Variants in KPNA6 observed in about 807,000 individuals in gnomAD.
The protein encoded by KPNA6 is importin subunit alpha-7.
KPNA6 carries 9 observed loss-of-function variants against 72.0 expected under a neutral mutation model. The observed-to-expected ratio is 0.13, with a 90% CI of 0.08 to 0.22. KPNA6 has a LOEUF of 0.22. Among genes scored for constraint, KPNA6 ranks in the 10% least tolerant of loss-of-function variants. The pLI, the probability that KPNA6 is intolerant of heterozygous loss-of-function variation, is 1.00. For synonymous variants in KPNA6, 219 were observed against 242.1 expected (o/e 0.90, Z 0.89); for missense variants, 374 against 655.7 (o/e 0.57, Z 4.69).
intron 1 of KPNA6, among the ~76,000 whole-genome samples, chr1:32,130,667 T>C (rs562835384): frequency 1.3e-5 from 2 of 151,656 alleles, no homozygotes; most frequent in South Asian, 4.2e-4. Context: ...ATGCCTGTAG[T>C]CCCAGCTGCT....
chr1:32,142,945 A>G (rs1641865623), intron 1 of KPNA6: 2 of 1,289,374 alleles, frequency 1.6e-6, no homozygotes, highest in Middle Eastern at 2.1e-4. Context: ...CTCTCCTCCC[A>G]GCTTCACTGT....
At chr1:32,113,315 C>T (rs952323430) in intron 1 of KPNA6, among the ~76,000 whole-genome samples, 7 of 151,992 alleles carry the variant, frequency 4.6e-5, no homozygotes, top group African/African-American at 1.7e-4. Context: ...ATCACTTGAA[C>T]CTGGGAGGTT....
chr1:32,157,147 A>C (rs1486777184), intron 3 of KPNA6, among the ~76,000 whole-genome samples, 199 bp from the exon 4 acceptor site: 1 of 152,232 alleles, frequency 6.6e-6, no homozygotes, highest in African/African-American at 2.4e-5. Flanking sequence ...AGAAGCCATC[A>C]GTTGCCTCAG....
intron 1 of KPNA6, chr1:32,142,961 G>A: frequency 7.8e-7 from 1 of 1,289,692 alleles, no homozygotes; most frequent in South Asian, 1.2e-5. Context: ...ACTGTCAGCT[G>A]TGCTTGAAGG....
At chr1:32,125,567 A>G (rs889518678) in intron 1 of KPNA6, among the ~76,000 whole-genome samples, 1 of 152,200 alleles carries the variant, frequency 6.6e-6, no homozygotes, top group African/African-American at 2.4e-5. Context: ...CCATGAAGTC[A>G]CTGTCAGTCC....
intron 1 of KPNA6, among the ~76,000 whole-genome samples, chr1:32,117,149 T>C (rs1001054481): frequency 6.6e-6 from 1 of 151,362 alleles, no homozygotes; most frequent in Non-Finnish European, 1.5e-5. Context: ...AACATAGGAT[T>C]GCCACAAACC....
chr1:32,158,463 A>T (rs973229781), intron 5 of KPNA6, 102 bp downstream of exon 5: 8 of 666,508 alleles, frequency 1.2e-5, no homozygotes, highest in Non-Finnish European at 2.1e-5. Flanking sequence ...TGACACAGGC[A>T]TGCAATTTGA....
chr1:32,138,543 CAA>C lies in KPNA6; in HGVS notation c.5-16023_5-16022del, dbSNP rs563911504. ...GGGCAACAAGAGCGAAACTCCATCT[CAA>C]AAAAAAAAAAAAAAAAAAAAATGGA... is the stretch of plus-strand genomic sequence containing the variant. On this transcript the variant is annotated intron_variant, in intron 1 of 13. Transcript: ENST00000373625. 6.9e-3 allele frequency among the ~76,000 whole-genome samples: 335 copies of C among 48,902 alleles called. 1 individual carries two copies. Among genetic ancestry groups the C allele is most frequent in the African/African-American group, 0.019 (310 of 16,590 alleles). 32.1% of individuals were successfully genotyped at this position (48,902 alleles called of 152,430 possible).
intron 1 of KPNA6, among the ~76,000 whole-genome samples, chr1:32,150,394 A>G (rs916847737): frequency 5.3e-5 from 8 of 151,684 alleles, no homozygotes; most frequent in Admixed American, 2.6e-4. Context: ...CGGCCTCCCA[A>G]CGTGTTGGGA....
rs1282114974 is a variant in KPNA6 at position 32,172,387 on chromosome 1, A to C, written c.*1493A>C. Reference sequence around the variant, plus strand: ...ACATCCTGCTTGTATCAGGAAACTCAGAAGCAGTTTGCCTTGTCAAATTCA... The same window carrying C: ...ACATCCTGCTTGTATCAGGAAACTCCGAAGCAGTTTGCCTTGTCAAATTCA... On this transcript the variant is annotated 3_prime_UTR_variant, in exon 14 of 14. Transcript: ENST00000373625. The C allele has an allele frequency of 6.6e-6, 1 of 152,140 alleles. No individual in the cohort carries two copies. The highest frequency in any genetic ancestry group is 1.9e-4 in the East Asian group (1 of 5,186). The allele number at this position is 152,140 out of a possible 1,614,324, so 9.4% of individuals were successfully genotyped here.
chr1:32,132,577 A>T (rs1641657100), intron 1 of KPNA6, among the ~76,000 whole-genome samples: 1 of 152,060 alleles, frequency 6.6e-6, no homozygotes. Context: ...GTGAGCCACC[A>T]TTTCCAGTCA....
At position 32,128,416 on chromosome 1, in the gene KPNA6, TATATATATATAC is replaced by T. The variant is rs1247344353; in HGVS notation, c.4+20284_4+20295del. Among the ~76,000 whole-genome samples the T allele has an allele frequency of 7.3e-3, 935 of 127,856 alleles. 11 individuals are homozygous for T. The highest frequency in any genetic ancestry group is 0.028 in the African/African-American group (870 of 30,618). 83.9% of individuals were successfully genotyped at this position (127,856 alleles called of 152,430 possible). A position where few individuals can be genotyped will look rare whatever the true frequency, so the allele number is the denominator to read the frequency against. On this transcript the variant is annotated intron_variant, in intron 1 of 13. Coordinates refer to ENST00000373625, the MANE Select transcript of KPNA6 (RefSeq NM_012316.5). ...ATATATATATATATATATATATATATATATATATATACACACACACACACATATATATATACA... is the reference window on the plus strand; with the variant it reads ...ATATATATATATATATATATATATATACACACACACACATATATATATACA...
intron 12 of KPNA6, 41 bp downstream of exon 12, chr1:32,167,337 G>A (rs1449510109): frequency 6.2e-7 from 1 of 1,611,954 alleles, no homozygotes; most frequent in South Asian, 1.1e-5. Context: ...GATAATGGAT[G>A]CTCTCCCTGT....
At chr1:32,127,132 G>A (rs762939407) in intron 1 of KPNA6, among the ~76,000 whole-genome samples, 38 of 152,142 alleles carry the variant, frequency 2.5e-4, no homozygotes, top group African/African-American at 7.0e-4. Context: ...GAAGACTTGC[G>A]CCATGAGAAA....
intron 1 of KPNA6, among the ~76,000 whole-genome samples, chr1:32,112,268 C>G (rs559169624): frequency 6.6e-6 from 1 of 152,194 alleles, no homozygotes; most frequent in East Asian, 1.9e-4. Context: ...AATAATAATA[C>G]CCAACACTTG....
intron 3 of KPNA6, 45 bp downstream of exon 3, chr1:32,156,990 C>CT: frequency 7.1e-7 from 1 of 1,400,022 alleles, no homozygotes; most frequent in Non-Finnish European, 1.0e-6. Context: ...AAAACACCTG[C>CT]TTCTAAGGAC....
At position 32,174,815 on chromosome 1, in the gene KPNA6, T is replaced by C. The variant is rs1642498530; in HGVS notation, c.*3921T>C. The C allele has an allele frequency of 2.0e-5, 3 of 152,216 alleles. No homozygotes were observed. The highest frequency in any genetic ancestry group is 4.4e-5 in the Non-Finnish European group (3 of 68,034). 9.4% of individuals were successfully genotyped at this position (152,216 alleles called of 1,614,324 possible). On this transcript the variant is annotated 3_prime_UTR_variant, in exon 14 of 14. Transcript: ENST00000373625. ...GTGCAGGGCTCAGTGCGCTAAACCA[T>C]GGTAAACATCTTCAATAGAACTACC...
intron 1 of KPNA6, among the ~76,000 whole-genome samples, chr1:32,130,313 A>C (rs1447040950): frequency 6.7e-6 from 1 of 149,548 alleles, no homozygotes; most frequent in Non-Finnish European, 1.5e-5. Context: ...CAGCTAGTAG[A>C]GAGGACACAA....
In KPNA6 at chr1:32,173,110, G is replaced by A; in HGVS notation, c.*2216G>A. 2.5e-6 allele frequency: 1 copy of A among 396,166 alleles called. No homozygotes were observed. The highest frequency in any genetic ancestry group is 3.6e-5 in the East Asian group (1 of 27,956). The allele number at this position is 396,166 out of a possible 1,614,324, so 24.5% of individuals were successfully genotyped here. Reference sequence around the variant, plus strand: ...CAACTCCCAATCTCCCAGGAAGGCAGGGGGCAGAATCTTTTTTTCACTTGG... The same window carrying A: ...CAACTCCCAATCTCCCAGGAAGGCAAGGGGCAGAATCTTTTTTTCACTTGG... On this transcript the variant is annotated 3_prime_UTR_variant, in exon 14 of 14. Transcript: ENST00000373625.
Sources: allele counts gnomAD v4.1 joint callset (sites outside exome capture counted in the v4.1 genomes callset), GRCh38; gene constraint gnomAD v4.1.1; transcripts MANE v1.5; gene names NCBI Gene and HGNC (gene_info 2026-07-23, HGNC 2026-07-21).